Variants in RET observed in about 807,000 individuals in gnomAD.
RET encodes proto-oncogene tyrosine-protein kinase receptor Ret.
In RET, 19 loss-of-function variants were observed where a neutral mutation model predicts 118.3. That is an observed-to-expected ratio of 0.16 (90% confidence interval 0.11 to 0.24). The LOEUF (loss-of-function observed/expected upper bound fraction) is 0.24, where lower values mean the gene tolerates loss of function less well. Among genes scored for constraint, RET ranks in the 10% least tolerant of loss-of-function variants. The pLI, the probability that RET is intolerant of heterozygous loss-of-function variation, is 1.00. For synonymous variants in RET, 597 were observed against 644.1 expected, an observed-to-expected ratio of 0.93 and a Z score of 1.11; for missense variants, 1,219 against 1,502.1, an observed-to-expected ratio of 0.81 and a Z score of 3.12.
chr10:43,123,587 G>T, intron 16 of RET, 84 bp from the exon 17 acceptor site: 1 of 1,576,982 alleles, frequency 6.3e-7, no homozygotes, highest in Non-Finnish European at 8.7e-7. Context: ...CAGGTGCTTG[G>T]TGGTGGGGGT....
chr10:43,122,070 A>C, intron 16 of RET, 54 bp downstream of exon 16: 1 of 1,409,554 alleles, frequency 7.1e-7, no homozygotes, highest in Non-Finnish European at 1.0e-6. Flanking sequence ...ACCCTTATAC[A>C]TGTAGTGGGG....
chr10:43,128,735 T>G lies in RET; in HGVS notation c.*466T>G. The G allele has an allele frequency of 2.8e-6, 1 of 361,828 alleles. No individual in the cohort carries two copies. The highest frequency in any genetic ancestry group is 5.2e-6 in the Non-Finnish European group (1 of 193,168). The allele number at this position is 361,828 out of a possible 1,614,324, so 22.4% of individuals were successfully genotyped here. On this transcript the variant is annotated 3_prime_UTR_variant, in exon 20 of 20. Transcript: ENST00000355710. The stretch of plus-strand genomic sequence containing the variant: ...AGGAAAAATGCTGGCCCTGATGACC[T>G]GTCCTTATTCAGAATGAGAGACTGC...
At chr10:43,110,017 G>A (rs1372054934) in intron 6 of RET, among the ~76,000 whole-genome samples, 1 of 152,208 alleles carries the variant, frequency 6.6e-6, no homozygotes, top group African/African-American at 2.4e-5. Flanking sequence ...GTGGTTCTGT[G>A]CCCGCATCAG....
At chr10:43,086,429 C>T (rs1564484278) in intron 1 of RET, among the ~76,000 whole-genome samples, 1 of 152,196 alleles carries the variant, frequency 6.6e-6, no homozygotes, top group Non-Finnish European at 1.5e-5. Flanking sequence ...TGCACATGGA[C>T]ATGATCTGAG....
At chr10:43,109,446 T>C (rs1239872425) in intron 6 of RET, among the ~76,000 whole-genome samples, 2 of 152,082 alleles carry the variant, frequency 1.3e-5, no homozygotes, top group Non-Finnish European at 2.9e-5. Context: ...CTCTCTTTTT[T>C]TCCCCTTTCC....
chr10:43,126,671 G>A lies in RET; in HGVS notation c.3136G>A (p.Ala1046Thr). ...GACACCGCTGGTGGACTGTAATAAT[G>A]CCCCCCTCCCTCGAGCCCTCCCTTC... ...EETPLVDCNN[A>T]PLPRALPSTW... Residue 1046 changes from alanine (A) to threonine (T), a missense_variant, in exon 19 of 20, where the codon GCC becomes ACC. Physicochemically the swap from Ala to Thr is moderately conservative, Grantham distance 58 (BLOSUM62 0). Coordinates refer to ENST00000355710, the MANE Select transcript of RET (RefSeq NM_020975.6). The A allele has an allele frequency of 6.2e-7, 1 of 1,613,938 alleles. No individual in the cohort carries two copies. The highest frequency in any genetic ancestry group is 8.5e-7 in the Non-Finnish European group (1 of 1,179,978).
rs75225191 is a variant in RET, at chr10:43,114,541, C to T, written c.1941C>T (p.Ile647=). The stretch of plus-strand genomic sequence containing the variant: ...CAGCCGCTGTCCTCTTCTCCTTCAT[C>T]GTCTCGGTGCTGCTGTCTGCCTTCT... ...VIAAAVLFSF[I]VSVLLSAFCI... is the part of the protein sequence containing the mutation. The change falls in exon 11 of 20, where the codon ATC becomes ATT. Residue 647 remains isoleucine (I), a synonymous_variant. Transcript: ENST00000355710. This position sits in a 1 kb window ranked among gnomAD's most constrained non-coding sequence, Gnocchi z 4.6. 82 of 1,610,644 alleles carry T rather than the reference C, an allele frequency of 5.1e-5. No individual in the cohort carries two copies. In the South Asian group the frequency reaches 5.7e-4, roughly 11 times the overall value.
chr10:43,123,775 G>A lies in RET; in HGVS notation c.2906G>A (p.Arg969Gln), dbSNP rs2133006493. The A allele has an allele frequency of 6.2e-7, 1 of 1,614,146 alleles. No individual in the cohort carries two copies. The highest frequency in any genetic ancestry group is 2.2e-5 in the East Asian group (1 of 44,884). The change falls in exon 17 of 20, where the codon CGG becomes CAG. Residue 969 changes from arginine (R) to glutamine (Q), a missense_variant. Arg to Gln is a conservative substitution (Grantham distance 43). Coordinates refer to ENST00000355710, the MANE Select transcript of RET (RefSeq NM_020975.6). Reference protein sequence around the residue: ...RLFNLLKTGHRMERPDNCSEE... With the variant: ...RLFNLLKTGHQMERPDNCSEE... ...TTCAACCTTCTGAAGACCGGCCACC[G>A]GATGGAGAGGCCAGACAACTGCAGC... is the stretch of plus-strand genomic sequence containing the variant.
In RET at chr10:43,116,093, T is replaced by G. The variant is rs11238440; in HGVS notation, c.2137-491T>G. Among the ~76,000 whole-genome samples, 1,235 of 152,036 alleles carry G rather than the reference T, an allele frequency of 8.1e-3. 25 individuals are homozygous for G. The highest frequency in any genetic ancestry group is 0.028 in the African/African-American group (1,169 of 41,476). On this transcript the variant is annotated intron_variant, in intron 11 of 19. Coordinates refer to ENST00000355710, the MANE Select transcript of RET (RefSeq NM_020975.6). ...GCCCAATGTGTGGATAGAACTTTGG[T>G]GGGAGGGCAGGGTGGTAGTGCCAGC...
intron 2 of RET, among the ~76,000 whole-genome samples, chr10:43,101,738 C>A (rs977203855): frequency 6.6e-6 from 1 of 152,184 alleles, no homozygotes; most frequent in Non-Finnish European, 1.5e-5. Context: ...GGTAATTTAA[C>A]AGGGAGAGTT....
intron 1 of RET, among the ~76,000 whole-genome samples, chr10:43,085,017 G>T (rs1238447906): frequency 6.6e-6 from 1 of 152,308 alleles, no homozygotes; most frequent in East Asian, 1.9e-4. Context: ...TCATTGCCGT[G>T]GTGTGATGTC....
At chr10:43,123,398 C>T (rs572294112) in intron 16 of RET, among the ~76,000 whole-genome samples, 1 of 152,330 alleles carries the variant, frequency 6.6e-6, no homozygotes, top group African/African-American at 2.4e-5. Flanking sequence ...TCTTAAGCCT[C>T]ATGTGTCCCT....
At chr10:43,096,971 G>T (rs1356110603) in intron 1 of RET, among the ~76,000 whole-genome samples, 1 of 152,196 alleles carries the variant, frequency 6.6e-6, no homozygotes, top group African/African-American at 2.4e-5. Flanking sequence ...CAGCTGCAGA[G>T]ACCACCTGGG....
intron 3 of RET, among the ~76,000 whole-genome samples, chr10:43,104,532 A>T (rs1441122786): frequency 6.6e-6 from 1 of 152,130 alleles, no homozygotes; most frequent in Non-Finnish European, 1.5e-5. Context: ...AAAAAAAAGC[A>T]GCCAAGGCCA....
rs1240935395 is a variant in RET, at chr10:43,106,546, C to T, written c.1038C>T (p.Phe346=). 6.8e-6 allele frequency: 11 copies of T among 1,613,518 alleles called. No individual in the cohort carries two copies. Among genetic ancestry groups the T allele is most frequent in the Middle Eastern group, 1.6e-4 (1 of 6,076 alleles). ...CCTCGGTCCAGGCCAACGGCAGCTTCGTGCGGGCGACCGTACATGACTATA... is the reference window on the plus strand; with the variant it reads ...CCTCGGTCCAGGCCAACGGCAGCTTTGTGCGGGCGACCGTACATGACTATA... ...NETSVQANGS[F]VRATVHDYRL... The change falls in exon 5 of 20, where the codon TTC becomes TTT. Residue 346 remains phenylalanine, a synonymous_variant. Coordinates refer to ENST00000355710, the MANE Select transcript of RET (RefSeq NM_020975.6). The surrounding 1 kb of genome is among the most constrained non-coding windows in gnomAD (Gnocchi z 5.1).
intron 7 of RET, 30 bp from the exon 8 acceptor site, chr10:43,112,069 C>T (rs1388031581): frequency 6.3e-7 from 1 of 1,583,808 alleles, no homozygotes; most frequent in South Asian, 1.2e-5. Context: ...AGGCCAGCCC[C>T]CTGTGACCCT....
chr10:43,092,691 G>A (rs1203638322), intron 1 of RET, among the ~76,000 whole-genome samples: 2 of 152,236 alleles, frequency 1.3e-5, no homozygotes, highest in Non-Finnish European at 1.5e-5. Flanking sequence ...AGTCTGGCTG[G>A]CAGCTCCGGT....
chr10:43,100,813 A>G (rs1029909568), intron 2 of RET, 91 bp downstream of exon 2: 1 of 1,369,698 alleles, frequency 7.3e-7, no homozygotes, highest in Non-Finnish European at 1.0e-6. Flanking sequence ...GAAGCTTGGC[A>G]TGGCTTCCCC....
At chr10:43,103,553 T>A (rs1389969876) in intron 3 of RET, among the ~76,000 whole-genome samples, 3 of 152,102 alleles carry the variant, frequency 2.0e-5, no homozygotes, top group Non-Finnish European at 4.4e-5. Flanking sequence ...CTCAACCAGG[T>A]CACAGAGGCT....
Sources: gnomAD v4.1 joint callset for allele counts (sites outside exome capture counted in the v4.1 genomes callset) on GRCh38, gnomAD v4.1.1 for gene constraint, Gnocchi (gnomAD v3.1) non-coding constraint, MANE v1.5 for transcripts, NCBI Gene and HGNC (gene_info 2026-07-23, HGNC 2026-07-21) for gene names.